The following NSD3 variants were observed in gnomAD, a reference collection of about 807,000 sequenced individuals.
NSD3 encodes nuclear receptor binding SET domain protein 3, also known as histone-lysine N-methyltransferase NSD3.
A neutral mutation model predicts 160.8 loss-of-function variants in NSD3; 24 were observed. That is an observed-to-expected ratio of 0.15 (90% CI 0.11 to 0.21). The LOEUF (loss-of-function observed/expected upper bound fraction) is 0.21. Among genes scored for constraint, NSD3 ranks in the 10% least tolerant of loss-of-function variants. The probability of loss-of-function intolerance (pLI) is 1.00; values close to 1 mark genes in which losing one functional copy is unlikely to be tolerated. For synonymous variants in NSD3, 520 were observed against 600.0 expected, an observed-to-expected ratio of 0.87 and a Z score of 1.95; for missense variants, 1,157 against 1,735.9, an observed-to-expected ratio of 0.67 and a Z score of 5.93.
At chr8:38,309,159 C>A (rs889423725) in intron 12 of NSD3, among the ~76,000 whole-genome samples, 58 of 149,366 alleles carry the variant, frequency 3.9e-4, no homozygotes, top group Non-Finnish European at 5.4e-4. Flanking sequence ...AAAAAAAAAA[C>A]AAAACAAAAC....
chr8:38,283,570 T>G (rs562615064), intron 19 of NSD3, among the ~76,000 whole-genome samples: 1 of 152,164 alleles, frequency 6.6e-6, no homozygotes, highest in South Asian at 2.1e-4. Context: ...ACATTTAATC[T>G]TTTCTATTGA....
chr8:38,303,099 A>T, intron 14 of NSD3: 1 of 367,160 alleles, frequency 2.7e-6, no homozygotes, highest in Non-Finnish European at 3.8e-6. Context: ...GCATGCTTAT[A>T]CACTGACAGG....
At chr8:38,304,491 A>G in intron 14 of NSD3, 96 bp downstream of exon 14, 2 of 1,247,620 alleles carry the variant, frequency 1.6e-6, no homozygotes, top group Non-Finnish European at 2.2e-6. Flanking sequence ...ATTCTACTAG[A>G]TGGCCTGAGT....
In NSD3 at chr8:38,282,141, T is replaced by C. The variant is rs533161373; in HGVS notation, c.3502-558A>G. ...AACCGACATTGGTATAATCCAGACT[T>C]TACTCAGATTTTACCAATTTTACAT... On this transcript the variant is annotated intron_variant, in intron 19 of 23. Transcript: ENST00000317025. Among the ~76,000 whole-genome samples, 17 of 152,286 alleles carry C rather than the reference T, an allele frequency of 1.1e-4. No homozygotes were observed. The South Asian group carries it at 3.5e-3, about 32-fold the overall frequency.
intron 5 of NSD3, 103 bp downstream of exon 5, chr8:38,331,328 A>C: frequency 7.6e-7 from 1 of 1,321,696 alleles, no homozygotes; most frequent in Non-Finnish European, 9.9e-7. Flanking sequence ...GGGTTTAAAA[A>C]AAGGATTCTA....
At chr8:38,294,512 A>T (rs971109444) in intron 16 of NSD3, among the ~76,000 whole-genome samples, 4 of 152,216 alleles carry the variant, frequency 2.6e-5, no homozygotes, top group Non-Finnish European at 4.4e-5. Context: ...CCTTAAGACT[A>T]AAGCCTCTTA....
At chr8:38,308,952 C>G (rs762367559) in intron 12 of NSD3, among the ~76,000 whole-genome samples, 1 of 152,104 alleles carries the variant, frequency 6.6e-6, no homozygotes, top group Non-Finnish European at 1.5e-5. Context: ...TAGGTTAGAG[C>G]TCTAACATGT....
chr8:38,275,388 G>T lies in NSD3; in HGVS notation c.*253C>A. ...AACATTTCTTTTTCAAGCTGCAATG[G>T]CACTGAAGCACAATAAAAGGCAAGA... On this transcript the variant is annotated 3_prime_UTR_variant, in exon 24 of 24. Transcript: ENST00000317025. 1 of 415,828 alleles carries T rather than the reference G, an allele frequency of 2.4e-6. No individual in the cohort carries two copies. Among genetic ancestry groups the T allele is most frequent in the Non-Finnish European group, 4.3e-6 (1 of 233,358 alleles). The allele number at this position is 415,828 out of a possible 1,614,324, so 25.8% of individuals were successfully genotyped here.
At position 38,348,198 on chromosome 8, in the gene NSD3, C is replaced by G. The variant is rs1810582123; in HGVS notation, c.-27G>C. 6.5e-7 allele frequency: 1 copy of G among 1,531,784 alleles called. No individual in the cohort carries two copies. The highest frequency in any genetic ancestry group is 8.8e-7 in the Non-Finnish European group (1 of 1,142,324). The allele number at this position is 1,531,784 out of a possible 1,614,324, so 94.9% of individuals were successfully genotyped here. On this transcript the variant is annotated 5_prime_UTR_variant, in exon 2 of 24. Transcript: ENST00000317025. The stretch of plus-strand genomic sequence containing the variant: ...GTTCTGCTCCAGCATCCTTAACTTT[C>G]CCTTTCTCTCATCGGGCCTAAAATT...
At chr8:38,345,015 C>T (rs187233602) in intron 2 of NSD3, among the ~76,000 whole-genome samples, 149 of 152,296 alleles carry the variant, frequency 9.8e-4, no homozygotes, top group South Asian at 2.3e-3. Flanking sequence ...TTATACACAT[C>T]TCTAGCTTAG....
At chr8:38,359,076 C>A (rs1810894131) in intron 1 of NSD3, among the ~76,000 whole-genome samples, 1 of 152,060 alleles carries the variant, frequency 6.6e-6, no homozygotes, top group Non-Finnish European at 1.5e-5. Flanking sequence ...GTTCTGTGTT[C>A]TACTAATATT....
rs1343489976 is a variant in NSD3, at chr8:38,289,429, T to G, written c.3195A>C (p.Lys1065Asn). The G allele has an allele frequency of 2.5e-6, 4 of 1,613,830 alleles. No individual in the cohort carries two copies. Among genetic ancestry groups the G allele is most frequent in the Non-Finnish European group, 2.5e-6 (3 of 1,179,924 alleles). ...RESKEALEIE[K>N]NSRKPPPYKH... Reference sequence around the variant, plus strand: ...TGTAGGGAGGGGGTTTTCTTGAGTTTTTTTCAATCTCTAGGGCTTCTTTAC... The same window carrying G: ...TGTAGGGAGGGGGTTTTCTTGAGTTGTTTTCAATCTCTAGGGCTTCTTTAC... Residue 1065 changes from lysine to asparagine, a missense_variant, in exon 18 of 24, where the codon AAA becomes AAC. Transcript: ENST00000317025.
intron 12 of NSD3, among the ~76,000 whole-genome samples, chr8:38,310,275 A>G (rs2131015396): frequency 6.6e-6 from 1 of 152,310 alleles, no homozygotes; most frequent in Non-Finnish European, 1.5e-5. Context: ...GCAATCATAC[A>G]ATATTTGTTG....
At chr8:38,310,584 C>G (rs997554850) in intron 12 of NSD3, among the ~76,000 whole-genome samples, 3 of 151,750 alleles carry the variant, frequency 2.0e-5, no homozygotes, top group Non-Finnish European at 4.4e-5. Context: ...TACAGTTCAC[C>G]GCAGTCTTGA....
chr8:38,369,663 A>T (rs1811191871), intron 1 of NSD3, among the ~76,000 whole-genome samples: 1 of 152,216 alleles, frequency 6.6e-6, no homozygotes, highest in Non-Finnish European at 1.5e-5. Context: ...AACTCCAAGA[A>T]TAATTTTCAT....
intron 1 of NSD3, among the ~76,000 whole-genome samples, chr8:38,354,729 G>C (rs1276020288): frequency 6.6e-6 from 1 of 151,140 alleles, no homozygotes; most frequent in Non-Finnish European, 1.5e-5. Context: ...TGAAAAGTTC[G>C]GGGAAAAAAA....
At chr8:38,322,967 G>C (rs1809823820) in intron 7 of NSD3, among the ~76,000 whole-genome samples, 1 of 152,150 alleles carries the variant, frequency 6.6e-6, no homozygotes, top group South Asian at 2.1e-4. Context: ...AAAAGACAAG[G>C]TATGCTTATC....
intron 16 of NSD3, among the ~76,000 whole-genome samples, chr8:38,295,367 C>T (rs972564721): frequency 1.3e-5 from 2 of 151,748 alleles, no homozygotes; most frequent in Non-Finnish European, 2.9e-5. Flanking sequence ...TTGAGACCAG[C>T]GTGGGCAACA....
Position 38,329,252 on chromosome 8 carries a change from C to T in NSD3, c.1581+126G>A. ...CTTTTTTGCCCACAGAGTACAATGA[C>T]TGTATGTTTCAAATTCAGTGGGTAG... On this transcript the variant is annotated intron_variant, in intron 6 of 23. Coordinates refer to ENST00000317025, the MANE Select transcript of NSD3 (RefSeq NM_023034.2). This position sits in a 1 kb window ranked among gnomAD's most constrained non-coding sequence, Gnocchi z 4.8. The T allele has an allele frequency of 8.6e-7, 1 of 1,163,968 alleles. No homozygotes were observed. The highest frequency in any genetic ancestry group is 1.2e-6 in the Non-Finnish European group (1 of 835,356). 72.1% of individuals were successfully genotyped at this position (1,163,968 alleles called of 1,614,324 possible). A position where few individuals can be genotyped will look rare whatever the true frequency, so the allele number is the denominator to read the frequency against.
Sources: gnomAD v4.1 joint callset for allele counts (sites outside exome capture counted in the v4.1 genomes callset) on GRCh38, gnomAD v4.1.1 for gene constraint, Gnocchi (gnomAD v3.1) non-coding constraint, MANE v1.5 for transcripts, NCBI Gene and HGNC (gene_info 2026-07-23, HGNC 2026-07-21) for gene names.